The following PCNX2 variants were observed in gnomAD, a reference collection of about 807,000 sequenced individuals.
The protein encoded by PCNX2 is pecanex-like protein 2.
Under a neutral mutation model 223.8 loss-of-function variants are expected in PCNX2, and 168 were observed. The ratio of observed to expected loss-of-function variants is 0.75; its 90% confidence interval spans 0.66 to 0.85. PCNX2 has a LOEUF of 0.85. Ranked by LOEUF, PCNX2 falls within the 40% of genes least tolerant of loss-of-function variation. The pLI is 0.00. For missense variants in PCNX2, 2,507 were observed against 2,675.5 expected (o/e 0.94, Z 1.39); for synonymous variants, 1,006 against 1,052.6 (o/e 0.96, Z 0.86).
At chr1:233,123,246 TG>T (rs1242739770) in intron 21 of PCNX2, among the ~76,000 whole-genome samples, 1 of 152,198 alleles carries the variant, frequency 6.6e-6, no homozygotes, top group African/African-American at 2.4e-5. Context: ...ACTATCTTCA[TG>T]TCTTTTCTGT....
the PCNX2 span, among the ~76,000 whole-genome samples, chr1:233,302,305 G>T: frequency 6.6e-6 from 1 of 151,402 alleles, no homozygotes; most frequent in Non-Finnish European, 1.5e-5. Flanking sequence ...TTGTTCATTT[G>T]ACTTTATTGG....
At chr1:233,074,013 T>C (rs1672974476) in intron 23 of PCNX2, among the ~76,000 whole-genome samples, 1 of 152,188 alleles carries the variant, frequency 6.6e-6, no homozygotes, top group Non-Finnish European at 1.5e-5. Flanking sequence ...TTATATTTTA[T>C]TTTCATTCAT....
At chr1:233,008,764 A>G (rs1485272982) in intron 28 of PCNX2, among the ~76,000 whole-genome samples, 4 of 152,204 alleles carry the variant, frequency 2.6e-5, no homozygotes, top group African/African-American at 9.6e-5. Context: ...GGAAAGGGCA[A>G]GATGCCATCC....
intron 9 of PCNX2, 82 bp from the exon 10 acceptor site, chr1:233,227,453 C>T (rs1657810578): frequency 9.9e-6 from 11 of 1,109,208 alleles, no homozygotes; most frequent in Admixed American, 5.5e-5. Flanking sequence ...TATATGTATA[C>T]ACACACACAC....
chr1:233,207,825 T>C (rs1558344458), intron 13 of PCNX2, among the ~76,000 whole-genome samples: 1 of 152,026 alleles, frequency 6.6e-6, no homozygotes, highest in Non-Finnish European at 1.5e-5. Flanking sequence ...AGCAAAGGGA[T>C]TGGTGGAAGA....
At chr1:233,251,725 A>G (rs913102073) in intron 7 of PCNX2, among the ~76,000 whole-genome samples, 3 of 152,246 alleles carry the variant, frequency 2.0e-5, no homozygotes, top group Non-Finnish European at 4.4e-5. Flanking sequence ...CCAAACCAGG[A>G]TCCTTTTGCG....
intron 17 of PCNX2, among the ~76,000 whole-genome samples, chr1:233,163,242 T>G (rs1208437577): frequency 1.3e-5 from 2 of 152,002 alleles, no homozygotes; most frequent in African/African-American, 4.8e-5. Context: ...TCCCAGCACT[T>G]TAGGAGGCCA....
At chr1:233,017,682 T>C (rs1051738443) in intron 26 of PCNX2, among the ~76,000 whole-genome samples, 1 of 152,124 alleles carries the variant, frequency 6.6e-6, no homozygotes, top group East Asian at 1.9e-4. Context: ...TCCCTACAGA[T>C]AGTATCACTT....
upstream of PCNX2, among the ~76,000 whole-genome samples, chr1:233,298,892 A>AAACG (rs1258429096): frequency 6.6e-6 from 1 of 152,086 alleles, no homozygotes; most frequent in Non-Finnish European, 1.5e-5. Flanking sequence ...AAAAACAAAC[A>AAACG]AACAAACAAA....
chr1:233,004,989 A>T (rs111862230), intron 28 of PCNX2, among the ~76,000 whole-genome samples: 9 of 152,312 alleles, frequency 5.9e-5, no homozygotes, highest in African/African-American at 1.9e-4. Context: ...AGGCACCAAG[A>T]AGGCTGTTTT....
chr1:233,259,496 G>T, intron 4 of PCNX2, 152 bp from the exon 5 acceptor site: 1 of 729,650 alleles, frequency 1.4e-6, no homozygotes, highest in Non-Finnish European at 1.7e-6. Context: ...TGGGTTACAT[G>T]TGCAGAACAT....
At chr1:233,145,126 G>A (rs1027668349) in intron 19 of PCNX2, among the ~76,000 whole-genome samples, 12 of 151,750 alleles carry the variant, frequency 7.9e-5, no homozygotes, top group Admixed American at 4.6e-4. Context: ...CACCACGCCC[G>A]GCTAATTTTT....
chr1:233,262,315 A>G, intron 2 of PCNX2, 150 bp from the exon 3 acceptor site: 1 of 984,708 alleles, frequency 1.0e-6, no homozygotes, highest in African/African-American at 1.6e-5. Context: ...GTTAAGAGAC[A>G]GGGCTTCGCT....
chr1:233,206,413 G>A (rs1393851359), intron 13 of PCNX2, among the ~76,000 whole-genome samples: 2 of 141,894 alleles, frequency 1.4e-5, no homozygotes, highest in East Asian at 2.8e-4. Flanking sequence ...TCATGAGTGA[G>A]CATCTCTGTC....
chr1:232,990,544 G>A lies in PCNX2; in HGVS notation c.5792-4004C>T, dbSNP rs779266164. Among the ~76,000 whole-genome samples, 2 of 152,200 alleles carry A rather than the reference G, an allele frequency of 1.3e-5. No homozygotes were observed. Among genetic ancestry groups the A allele is most frequent in the Non-Finnish European group, 2.9e-5 (2 of 68,042 alleles). On this transcript the variant is annotated intron_variant, in intron 32 of 33. Transcript: ENST00000258229. The surrounding 1 kb of genome is among the most constrained non-coding windows in gnomAD (Gnocchi z 4.3). ...TGCAACTCTGAGACCCAAGGGCTTT[G>A]CACCCTCGCCCTCTAGGGAAGCTGT...
At chr1:233,256,550 A>C (rs1476314071) in intron 5 of PCNX2, among the ~76,000 whole-genome samples, 1 of 152,220 alleles carries the variant, frequency 6.6e-6, no homozygotes, top group African/African-American at 2.4e-5. Flanking sequence ...ATGGCTACTT[A>C]AATGAATTAA....
chr1:233,235,957 A>AAAATATAT (rs369886650), intron 9 of PCNX2, among the ~76,000 whole-genome samples: 9,854 of 92,652 alleles, frequency 0.11, 784 homozygotes, highest in Non-Finnish European at 0.16. Flanking sequence ...CATAAAAAAA[A>AAAATATAT]ATATATATAT....
intron 28 of PCNX2, among the ~76,000 whole-genome samples, chr1:233,008,161 C>T (rs549427313): frequency 6.6e-6 from 1 of 152,214 alleles, no homozygotes; most frequent in Non-Finnish European, 1.5e-5. Flanking sequence ...ATTAATACTG[C>T]TTTCATGAAC....
intron 26 of PCNX2, among the ~76,000 whole-genome samples, chr1:233,019,712 G>A (rs923737580): frequency 5.3e-5 from 8 of 151,988 alleles, no homozygotes; most frequent in African/African-American, 7.3e-5. Flanking sequence ...GCAGAGGGGC[G>A]AGGGGACAGG....
Sources: allele counts gnomAD v4.1 joint callset (sites outside exome capture counted in the v4.1 genomes callset), GRCh38; gene constraint gnomAD v4.1.1; non-coding constraint Gnocchi (gnomAD v3.1); transcripts MANE v1.5; gene names NCBI Gene and HGNC (gene_info 2026-07-23, HGNC 2026-07-21).